RBMS3: variants seen among roughly 807,000 people sequenced by gnomAD.
The protein encoded by RBMS3 is RNA-binding motif, single-stranded-interacting protein 3.
Under a neutral mutation model 66.8 loss-of-function variants are expected in RBMS3, and 27 were observed. That is an observed-to-expected ratio of 0.40 (90% CI 0.30 to 0.56). The LOEUF (loss-of-function observed/expected upper bound fraction) is 0.56. Among genes scored for constraint, RBMS3 ranks in the 20% least tolerant of loss-of-function variants. The pLI, the probability that RBMS3 is intolerant of heterozygous loss-of-function variation, is 0.40. For synonymous variants in RBMS3, 188 were observed against 183.0 expected (o/e 1.03, Z -0.22); for missense variants, 513 against 549.5 (o/e 0.93, Z 0.66).
intron 1 of RBMS3, among the ~76,000 whole-genome samples, chr3:29,364,778 G>A (rs566669502): frequency 6.6e-6 from 1 of 152,188 alleles, no homozygotes. Flanking sequence ...TTTGTACACA[G>A]GCTTTTTAAG....
At chr3:29,939,124 G>T (rs906144233) in intron 11 of RBMS3, among the ~76,000 whole-genome samples, 1 of 151,842 alleles carries the variant, frequency 6.6e-6, no homozygotes, top group Non-Finnish European at 1.5e-5. Context: ...TTTCTTTAAC[G>T]TCTCCATTTC....
chr3:29,895,796 A>G (rs2060112360), intron 8 of RBMS3, among the ~76,000 whole-genome samples: 1 of 151,532 alleles, frequency 6.6e-6, no homozygotes, highest in Admixed American at 6.6e-5. Flanking sequence ...ACTTTAAAAG[A>G]AACTGCAAAG....
At chr3:29,578,790 CTT>C (rs1185861167) in intron 3 of RBMS3, among the ~76,000 whole-genome samples, 12 of 101,060 alleles carry the variant, frequency 1.2e-4, no homozygotes, top group African/African-American at 4.1e-4. Flanking sequence ...ATACATGCTT[CTT>C]TTTTTTTTTT....
chr3:29,812,010 A>G (rs1322810528), intron 6 of RBMS3, among the ~76,000 whole-genome samples: 2 of 152,186 alleles, frequency 1.3e-5, no homozygotes, highest in Non-Finnish European at 1.5e-5. Context: ...AAAAGTCATG[A>G]TACTTTGTTG....
chr3:29,676,677 C>G (rs938067081), intron 4 of RBMS3, among the ~76,000 whole-genome samples: 4 of 152,046 alleles, frequency 2.6e-5, no homozygotes, highest in Admixed American at 2.6e-4. Context: ...TCACAGTTTT[C>G]TAGATTTTGT....
At chr3:29,807,194 A>G (rs1462150232) in intron 6 of RBMS3, among the ~76,000 whole-genome samples, 1 of 151,970 alleles carries the variant, frequency 6.6e-6, no homozygotes, top group Non-Finnish European at 1.5e-5. Flanking sequence ...TAAAACTGTC[A>G]GTATCAAGAT....
chr3:29,699,746 C>A (rs1317646723), intron 4 of RBMS3, among the ~76,000 whole-genome samples: 1 of 152,120 alleles, frequency 6.6e-6, no homozygotes, highest in Non-Finnish European at 1.5e-5. Flanking sequence ...ACATATTACA[C>A]CCCCATACAT....
chr3:29,579,152 T>C (rs1012074832), intron 3 of RBMS3, among the ~76,000 whole-genome samples: 4 of 152,218 alleles, frequency 2.6e-5, no homozygotes, highest in Non-Finnish European at 4.4e-5. Context: ...ACTTTTCTTC[T>C]TTTCTGCTCT....
intron 3 of RBMS3, among the ~76,000 whole-genome samples, chr3:29,575,480 T>C (rs2047088965): frequency 2.6e-5 from 4 of 152,118 alleles, no homozygotes; most frequent in Admixed American, 6.5e-5. Context: ...TGAGGTAGTC[T>C]TCTTTGGGTT....
intron 1 of RBMS3, among the ~76,000 whole-genome samples, chr3:29,322,993 G>A (rs772554504): frequency 2.0e-5 from 3 of 151,976 alleles, no homozygotes; most frequent in Non-Finnish European, 4.4e-5. Flanking sequence ...TGCCAAGAAC[G>A]CAACTTGGCA....
intron 6 of RBMS3, among the ~76,000 whole-genome samples, chr3:29,864,621 T>A (rs1407700194): frequency 1.3e-5 from 2 of 152,142 alleles, no homozygotes; most frequent in Admixed American, 6.6e-5. Flanking sequence ...CATGACCGGG[T>A]TTCACAGTTG....
At chr3:29,569,331 C>T (rs3773092) in intron 3 of RBMS3, among the ~76,000 whole-genome samples, 3,528 of 152,036 alleles carry the variant, frequency 0.023, 99 homozygotes, top group Admixed American at 0.09. Flanking sequence ...TCATGAACCT[C>T]CAGCAATTTA....
intron 5 of RBMS3, among the ~76,000 whole-genome samples, chr3:29,758,590 G>C (rs538050203): frequency 4.6e-5 from 7 of 152,266 alleles, no homozygotes; most frequent in African/African-American, 1.4e-4. Context: ...CTGCTTCACT[G>C]TTTGGTACTT....
At chr3:29,612,069 T>C (rs1051702668) in intron 4 of RBMS3, among the ~76,000 whole-genome samples, 5 of 152,086 alleles carry the variant, frequency 3.3e-5, no homozygotes, top group African/African-American at 1.2e-4. Flanking sequence ...AAGAAAATTA[T>C]AATATCTATG....
In RBMS3 at chr3:29,433,329, C is replaced by CTGTAGAG. The variant is rs2041278660; in HGVS notation, c.76-1414_76-1413insTGTAGAG. On this transcript the variant is annotated intron_variant, in intron 1 of 14. Coordinates refer to ENST00000383767, the MANE Select transcript of RBMS3 (RefSeq NM_001003793.3). ...AAGACTCTTCATCTTCAGATGAGAACCCAGCCCAAAGTTTCCCCACTGGAA... is the reference window on the plus strand; with the variant it reads ...AAGACTCTTCATCTTCAGATGAGAACTGTAGAGCCAGCCCAAAGTTTCCCCACTGGAA... Among the ~76,000 whole-genome samples the CTGTAGAG allele has an allele frequency of 2.0e-5, 3 of 152,046 alleles. No homozygotes were observed. The East Asian group carries it at 5.8e-4, about 29-fold the overall frequency.
At chr3:29,330,776 T>C (rs535899067) in intron 1 of RBMS3, among the ~76,000 whole-genome samples, 28 of 152,126 alleles carry the variant, frequency 1.8e-4, no homozygotes, top group Non-Finnish European at 3.4e-4. Context: ...CAGCACCAAA[T>C]GATGTGTTGT....
At chr3:29,494,542 C>T (rs895070684) in intron 3 of RBMS3, among the ~76,000 whole-genome samples, 1 of 152,180 alleles carries the variant, frequency 6.6e-6, no homozygotes, top group African/African-American at 2.4e-5. Context: ...CCACAGTTCT[C>T]ATTCAGATAT....
At chr3:29,703,820 T>C (rs2052744558) in intron 4 of RBMS3, among the ~76,000 whole-genome samples, 1 of 152,140 alleles carries the variant, frequency 6.6e-6, no homozygotes, top group Admixed American at 6.5e-5. Flanking sequence ...AGGTAGGAAC[T>C]GGGCCGCACG....
rs538574815 is a variant in RBMS3, at chr3:29,384,758, G to A, written c.76-49985G>A. ...GTGGTAAAGCCAATAAGTGGTTTCC[G>A]GCCTTCCCAGGCCACTCCGCATAAA... On this transcript the variant is annotated intron_variant, in intron 1 of 14. Transcript: ENST00000383767. 2.6e-5 allele frequency among the ~76,000 whole-genome samples: 4 copies of A among 152,262 alleles called. No individual in the cohort carries two copies. In the South Asian group the frequency reaches 6.2e-4, roughly 24 times the overall value.
Sources: allele counts gnomAD v4.1 joint callset (sites outside exome capture counted in the v4.1 genomes callset), GRCh38; gene constraint gnomAD v4.1.1; transcripts MANE v1.5; gene names NCBI Gene and HGNC (gene_info 2026-07-23, HGNC 2026-07-21).